Variants in SLC9A2 observed in about 807,000 individuals in gnomAD.
SLC9A2 encodes the protein solute carrier family 9 member A2, also known as sodium/hydrogen exchanger 2.
A neutral mutation model predicts 71.7 loss-of-function variants in SLC9A2; 42 were observed. The observed-to-expected ratio is 0.59, with a 90% CI of 0.46 to 0.76. The LOEUF is 0.76. SLC9A2 is among the 30% of genes least tolerant of loss of function. SLC9A2 has a pLI of 0.00. For missense variants in SLC9A2, 829 were observed against 1,017.4 expected (o/e 0.81, Z 2.52); for synonymous variants, 396 against 392.5 (o/e 1.01, Z -0.10).
At chr2:102,625,504 T>G (rs184995506) in intron 1 of SLC9A2, among the ~76,000 whole-genome samples, 2 of 140,346 alleles carry the variant, frequency 1.4e-5, no homozygotes, top group Non-Finnish European at 3.0e-5. Flanking sequence ...CGGTGTGTGA[T>G]GTTCCCCTTC....
chr2:102,620,199 G>A (rs1413639633), intron 1 of SLC9A2, 62 bp downstream of exon 1: 1 of 1,467,780 alleles, frequency 6.8e-7, no homozygotes, highest in Non-Finnish European at 9.3e-7. Flanking sequence ...CCTGGAGGGT[G>A]ACCGGGTCAG....
At position 102,699,503 on chromosome 2, in the gene SLC9A2, A is replaced by G. The variant is rs192039297; in HGVS notation, c.1587-1567A>G. On this transcript the variant is annotated intron_variant, in intron 7 of 11. Coordinates refer to ENST00000233969, the MANE Select transcript of SLC9A2 (RefSeq NM_003048.6). ...TCTGTAGGAATGCAATGGTGGAAGC[A>G]GGAATGCCAATTTGGTGCTCACTAC... Among the ~76,000 whole-genome samples the G allele has an allele frequency of 3.2e-3, 492 of 152,356 alleles. 6 individuals are homozygous for G. The highest frequency in any genetic ancestry group is 0.011 in the African/African-American group (466 of 41,592).
chr2:102,683,152 T>C lies in SLC9A2; in HGVS notation c.1005-109T>C, dbSNP rs146781051. On this transcript the variant is annotated intron_variant, in intron 3 of 11. Coordinates refer to ENST00000233969, the MANE Select transcript of SLC9A2 (RefSeq NM_003048.6). ...CTATAAAAATCATTCGATGATGTTG[T>C]AGTCTTGGGCAGAAGAGTAGAGCCA... is the stretch of plus-strand genomic sequence containing the variant. The C allele has an allele frequency of 3.4e-3, 2,472 of 733,910 alleles. 16 individuals carry two copies. Among genetic ancestry groups the C allele is most frequent in the East Asian group, 0.018 (714 of 40,776 alleles). The allele number at this position is 733,910 out of a possible 1,614,324, so 45.5% of individuals were successfully genotyped here. A position where few individuals can be genotyped will look rare whatever the true frequency, so the allele number is the denominator to read the frequency against.
In SLC9A2 at chr2:102,625,787, G is replaced by A. The variant is rs141491377; in HGVS notation, c.289+5650G>A. Among the ~76,000 whole-genome samples, 306 of 152,244 alleles carry A rather than the reference G, an allele frequency of 2.0e-3. 1 individual carries two copies. Among genetic ancestry groups the A allele is most frequent in the African/African-American group, 7.2e-3 (298 of 41,532 alleles). On this transcript the variant is annotated intron_variant, in intron 1 of 11. Coordinates refer to ENST00000233969, the MANE Select transcript of SLC9A2 (RefSeq NM_003048.6). The stretch of plus-strand genomic sequence containing the variant: ...GTAGTGCTGCAATAAACATACGTGT[G>A]CATGTATCTTTATAGCAGCATGATT...
chr2:102,656,871 T>C (rs1056772695), intron 1 of SLC9A2, among the ~76,000 whole-genome samples: 1 of 152,188 alleles, frequency 6.6e-6, no homozygotes, highest in African/African-American at 2.4e-5. Flanking sequence ...AAATGAGATG[T>C]TACATCTGAA....
At chr2:102,629,376 CT>C (rs924609466) in intron 1 of SLC9A2, among the ~76,000 whole-genome samples, 4 of 151,878 alleles carry the variant, frequency 2.6e-5, no homozygotes, top group South Asian at 2.1e-4. Flanking sequence ...TGCGCATGTA[CT>C]TTTTTTCCAT....
chr2:102,641,800 A>G (rs569351381), intron 1 of SLC9A2, among the ~76,000 whole-genome samples: 1 of 151,670 alleles, frequency 6.6e-6, no homozygotes, highest in Non-Finnish European at 1.5e-5. Context: ...AAGTTAGGAC[A>G]GAAAACCAAA....
intron 1 of SLC9A2, among the ~76,000 whole-genome samples, chr2:102,628,526 G>A (rs773020939): frequency 4.9e-4 from 75 of 152,182 alleles, no homozygotes; most frequent in Admixed American, 2.0e-3. Flanking sequence ...GGCAATATAT[G>A]TATTTAAGGC....
At chr2:102,688,835 T>A (rs971292663) in intron 5 of SLC9A2, among the ~76,000 whole-genome samples, 4 of 152,298 alleles carry the variant, frequency 2.6e-5, no homozygotes, top group Non-Finnish European at 4.4e-5. Context: ...TAGAATACAA[T>A]AATTATTATG....
chr2:102,670,693 T>C (rs1558714902), intron 3 of SLC9A2, among the ~76,000 whole-genome samples: 1 of 151,576 alleles, frequency 6.6e-6, no homozygotes, highest in Non-Finnish European at 1.5e-5. Context: ...GAATGATAGG[T>C]TTAGGAATGA....
chr2:102,628,758 T>C (rs1177909887), intron 1 of SLC9A2, among the ~76,000 whole-genome samples: 7 of 152,070 alleles, frequency 4.6e-5, no homozygotes, highest in African/African-American at 1.4e-4. Flanking sequence ...TATGTTGCCT[T>C]GGCCGCTCTC....
chr2:102,701,241 G>A lies in SLC9A2; in HGVS notation c.1748+10G>A. 1 of 1,575,940 alleles carries A rather than the reference G, an allele frequency of 6.3e-7. No homozygotes were observed. Among genetic ancestry groups the A allele is most frequent in the Admixed American group, 2.0e-5 (1 of 50,402 alleles). On this transcript the variant is annotated intron_variant, in intron 8 of 11. Transcript: ENST00000233969. ...CATTTGCATCTCTAAAGTAAGTATG[G>A]TCTTGCAAATAAAAGTTAGTATTGT...
At chr2:102,638,822 G>T (rs554676974) in intron 1 of SLC9A2, among the ~76,000 whole-genome samples, 5 of 152,290 alleles carry the variant, frequency 3.3e-5, no homozygotes, top group African/African-American at 1.2e-4. Context: ...TAAAATCAAA[G>T]AATTTAACAG....
At chr2:102,665,960 G>C (rs1033848586) in intron 3 of SLC9A2, among the ~76,000 whole-genome samples, 3 of 151,944 alleles carry the variant, frequency 2.0e-5, no homozygotes, top group Admixed American at 6.6e-5. Flanking sequence ...CAGGCACCAA[G>C]AATTGTACGA....
chr2:102,682,772 G>T (rs1449947171), intron 3 of SLC9A2, among the ~76,000 whole-genome samples: 1 of 152,164 alleles, frequency 6.6e-6, no homozygotes, highest in African/African-American at 2.4e-5. Context: ...CCAATTATAT[G>T]GCAGGGGGGC....
rs780252106 is a variant in SLC9A2 at position 102,657,703 on chromosome 2, G to A, written c.429G>A (p.Leu143=). The A allele has an allele frequency of 8.1e-6, 13 of 1,614,076 alleles. No individual in the cohort carries two copies. The highest frequency in any genetic ancestry group is 4.5e-5 in the East Asian group (2 of 44,874). The part of the protein sequence containing the change: ...PPAMKTDVFF[L]YLLPPIVLDA... ...CAATGAAGACTGATGTATTTTTCTT[G>A]TACCTCCTCCCACCCATCGTGCTGG... The change falls in exon 2 of 12, where the codon TTG becomes TTA. Residue 143 remains leucine (L), a synonymous_variant. Transcript: ENST00000233969.
At chr2:102,678,412 A>C (rs945546910) in intron 3 of SLC9A2, among the ~76,000 whole-genome samples, 4 of 152,018 alleles carry the variant, frequency 2.6e-5, no homozygotes, top group African/African-American at 9.7e-5. Context: ...AAAAGTAAGG[A>C]TGTACTAGGA....
At chr2:102,621,463 AC>A (rs1431629143) in intron 1 of SLC9A2, among the ~76,000 whole-genome samples, 1 of 152,002 alleles carries the variant, frequency 6.6e-6, no homozygotes, top group Non-Finnish European at 1.5e-5. Flanking sequence ...CGCCCCAGAA[AC>A]TTTCATGTTA....
chr2:102,633,925 A>G (rs985725478), intron 1 of SLC9A2, among the ~76,000 whole-genome samples: 5 of 152,212 alleles, frequency 3.3e-5, no homozygotes, highest in Non-Finnish European at 7.3e-5. Flanking sequence ...CACGTATTAC[A>G]CATGCAAACA....
Sources: allele counts gnomAD v4.1 joint callset (sites outside exome capture counted in the v4.1 genomes callset), GRCh38; gene constraint gnomAD v4.1.1; transcripts MANE v1.5; gene names NCBI Gene and HGNC (gene_info 2026-07-23, HGNC 2026-07-21).